The following CLCNKA variants were observed in gnomAD, a reference collection of about 807,000 sequenced individuals.
CLCNKA encodes chloride voltage-gated channel Ka, also known as chloride channel protein ClC-Ka.
Under a neutral mutation model 83.3 loss-of-function variants are expected in CLCNKA, and 66 were observed. The ratio of observed to expected loss-of-function variants is 0.79; its 90% CI spans 0.65 to 0.97. CLCNKA has a LOEUF of 0.97. Among genes scored for constraint, CLCNKA ranks in the 50% least tolerant of loss-of-function variants. The pLI is 0.00. For synonymous variants in CLCNKA, 357 were observed against 370.4 expected (o/e 0.96, Z 0.42); for missense variants, 806 against 888.7 (o/e 0.91, Z 1.18).
chr1:16,028,152 A>C, intron 10 of CLCNKA, 33 bp downstream of exon 10: 4 of 1,588,544 alleles, frequency 2.5e-6, no homozygotes, highest in Non-Finnish European at 3.5e-6. Flanking sequence ...GGGACATCTC[A>C]GTGAGTCCCT....
At chr1:16,023,959 G>A in intron 3 of CLCNKA, 31 bp downstream of exon 3, 1 of 1,613,196 alleles carries the variant, frequency 6.2e-7, no homozygotes. Context: ...GCTGCTCTGG[G>A]CCAAGGGATT....
Position 16,028,157 on chromosome 1 carries a change from GT to G in CLCNKA, c.968+39del, listed in dbSNP as rs574603424. ...CTAGGGGCTGGGGACATCTCAGTGA[GT>G]CCCTTGTGGACTCCAGACCTTATGT... On this transcript the variant is annotated intron_variant, in intron 10 of 19. Transcript: ENST00000331433. The G allele has an allele frequency of 2.2e-4, 351 of 1,583,260 alleles. 4 individuals carry two copies. In the South Asian group the frequency reaches 3.5e-3, roughly 16 times the overall value.
rs763703778 is a variant in CLCNKA at position 16,022,663 on chromosome 1, C to A, written c.44C>A (p.Pro15His). Residue 15 changes from proline to histidine, a missense_variant, in exon 2 of 20, where the codon CCT (proline) becomes CAT (histidine). Physicochemically the swap from Pro to His is moderately conservative, Grantham distance 77. Coordinates refer to ENST00000331433, the MANE Select transcript of CLCNKA (RefSeq NM_004070.4). ...CTGCGTGAGGGCTTCTCAGGGGACC[C>A]TGTGACTCTGCAGGAGCTGTGGGGC... ...VGLREGFSGD[P>H]VTLQELWGPC... The A allele has an allele frequency of 1.9e-6, 3 of 1,567,570 alleles. No homozygotes were observed. Among genetic ancestry groups the A allele is most frequent in the Non-Finnish European group, 1.7e-6 (2 of 1,156,104 alleles).
In CLCNKA at chr1:16,028,048, C is replaced by T. The variant is rs536038955; in HGVS notation, c.897C>T (p.Tyr299=). The T allele has an allele frequency of 6.2e-7, 1 of 1,613,452 alleles. No homozygotes were observed. Among genetic ancestry groups the T allele is most frequent in the Non-Finnish European group, 8.5e-7 (1 of 1,179,600 alleles). The part of the protein sequence containing the change: ...GGICGVLSCA[Y]LFCQRTFLSF... ...TCTGCGGCGTCCTGAGCTGTGCTTA[C>T]CTCTTCTGTCAGCGAACCTTCCTCA... Residue 299 remains tyrosine (Y), a synonymous_variant, in exon 10 of 20, where the codon TAC becomes TAT. Coordinates refer to ENST00000331433, the MANE Select transcript of CLCNKA (RefSeq NM_004070.4).
intron 10 of CLCNKA, 117 bp from the exon 11 acceptor site, chr1:16,028,644 C>T (rs764407706): frequency 8.5e-6 from 11 of 1,290,612 alleles, no homozygotes; most frequent in Non-Finnish European, 1.2e-5. Flanking sequence ...CCAGTCCTTG[C>T]CTCGGTATCA....
In CLCNKA at chr1:16,027,439, A is replaced by C. The variant is rs1021724603; in HGVS notation, c.781+4A>C. The C allele has an allele frequency of 6.8e-6, 11 of 1,613,568 alleles. No individual in the cohort carries two copies. In the African/African-American group the frequency reaches 1.5e-4, roughly 22 times the overall value. ...GCAGTCTTCAACAGCGAGCAGGGTGAGCCCCCTGGGCTGCCTGACCCTGGC... is the reference window on the plus strand; with the variant it reads ...GCAGTCTTCAACAGCGAGCAGGGTGCGCCCCCTGGGCTGCCTGACCCTGGC... On this transcript the variant is annotated splice_donor_region_variant and intron_variant, in intron 8 of 19. Transcript: ENST00000331433.
intron 8 of CLCNKA, 60 bp from the exon 9 acceptor site, chr1:16,027,761 G>A: frequency 6.8e-7 from 1 of 1,464,360 alleles, no homozygotes; most frequent in South Asian, 1.2e-5. Context: ...GTTAGTCTGG[G>A]ACTTGAGTTT....
At position 16,032,543 on chromosome 1, in the gene CLCNKA, A is replaced by G; in HGVS notation, c.1929+17A>G. On this transcript the variant is annotated intron_variant, in intron 18 of 19. Transcript: ENST00000331433. ...TTGCACCAGGTAACAAGTATTGGGG[A>G]GTGTGACACACGCAGCCCCCGGGGC... 1 of 1,598,540 alleles carries G rather than the reference A, an allele frequency of 6.3e-7. No homozygotes were observed. The highest frequency in any genetic ancestry group is 8.6e-7 in the Non-Finnish European group (1 of 1,166,670).
At position 16,028,620 on chromosome 1, in the gene CLCNKA, G is replaced by A. The variant is rs538591102; in HGVS notation, c.969-141G>A. The A allele has an allele frequency of 3.7e-5, 39 of 1,052,394 alleles. No individual in the cohort carries two copies. In the East Asian group the frequency reaches 8.0e-4, roughly 22 times the overall value. The allele number at this position is 1,052,394 out of a possible 1,614,324, so 65.2% of individuals were successfully genotyped here. A position where few individuals can be genotyped will look rare whatever the true frequency, so the allele number is the denominator to read the frequency against. ...GGAGGGGGCCATGTTCCCTGCTCCCGCCCTTCCTCCTCACCAGTCCTTGCC... is the reference window on the plus strand; with the variant it reads ...GGAGGGGGCCATGTTCCCTGCTCCCACCCTTCCTCCTCACCAGTCCTTGCC... On this transcript the variant is annotated intron_variant, in intron 10 of 19. Coordinates refer to ENST00000331433, the MANE Select transcript of CLCNKA (RefSeq NM_004070.4).
chr1:16,032,784 C>T (rs1187133579), intron 18 of CLCNKA, among the ~76,000 whole-genome samples: 5 of 152,222 alleles, frequency 3.3e-5, no homozygotes. Context: ...GGAGTTGCAC[C>T]AAGGCACACG....
chr1:16,033,072 C>T (rs1317680665), intron 18 of CLCNKA, 98 bp from the exon 19 acceptor site: 2 of 1,294,332 alleles, frequency 1.5e-6, no homozygotes, highest in Non-Finnish European at 1.1e-6. Flanking sequence ...CATATCAGGC[C>T]CCGCCCCTCT....
intron 5 of CLCNKA, 109 bp downstream of exon 5, chr1:16,026,356 G>A: frequency 1.3e-6 from 2 of 1,505,194 alleles, no homozygotes; most frequent in South Asian, 1.2e-5. Flanking sequence ...GCCAGTGCCT[G>A]CCTTCAGGGA....
At chr1:16,030,710 T>C (rs2022589278) in intron 15 of CLCNKA, 36 bp downstream of exon 15, 1 of 1,611,702 alleles carries the variant, frequency 6.2e-7, no homozygotes, top group East Asian at 2.2e-5. Flanking sequence ...CTGAAGGGGG[T>C]CACAGTGTTT....
chr1:16,027,593 C>T (rs940301900), intron 8 of CLCNKA, among the ~76,000 whole-genome samples, 158 bp downstream of exon 8: 6 of 151,704 alleles, frequency 4.0e-5, no homozygotes, highest in African/African-American at 1.2e-4. Context: ...ATGGAAGGGG[C>T]TGACCTGTGT....
intron 4 of CLCNKA, 30 bp from the exon 5 acceptor site, chr1:16,026,078 C>T (rs112974793): frequency 0.027 from 43,141 of 1,611,858 alleles, 759 homozygotes; most frequent in Middle Eastern, 0.034. Flanking sequence ...AGAGATTGTC[C>T]CCTGCTTGTT....
chr1:16,028,996 G>T, intron 11 of CLCNKA, 130 bp from the exon 12 acceptor site: 1 of 1,516,082 alleles, frequency 6.6e-7, no homozygotes, highest in East Asian at 2.3e-5. Flanking sequence ...GGAGGTCAGA[G>T]CCCTGCCCAA....
intron 3 of CLCNKA, among the ~76,000 whole-genome samples, chr1:16,024,174 C>A (rs2022253359): frequency 2.0e-5 from 3 of 152,266 alleles, no homozygotes; most frequent in African/African-American, 7.2e-5. Context: ...TCTGAGCTCT[C>A]TGGCTCCTCT....
chr1:16,032,115 G>A lies in CLCNKA; in HGVS notation c.1757-88G>A, dbSNP rs2022647733. The stretch of plus-strand genomic sequence containing the variant: ...GGGCAGCTGCTGGGGTAGGAGCATG[G>A]GGACACCACCAAGGTCTTCCGGAAG... On this transcript the variant is annotated intron_variant, in intron 16 of 19. Coordinates refer to ENST00000331433, the MANE Select transcript of CLCNKA (RefSeq NM_004070.4). 7.5e-6 allele frequency: 10 copies of A among 1,338,148 alleles called. No homozygotes were observed. In the East Asian group the frequency reaches 2.3e-4, roughly 31 times the overall value. The allele number at this position is 1,338,148 out of a possible 1,614,324, so 82.9% of individuals were successfully genotyped here.
rs373768486 is a variant in CLCNKA, at chr1:16,030,455, C to T, written c.1409-6C>T. On this transcript the variant is annotated splice_polypyrimidine_tract_variant and splice_region_variant and intron_variant, in intron 14 of 19. Coordinates refer to ENST00000331433, the MANE Select transcript of CLCNKA (RefSeq NM_004070.4). ...TGAGCCGACCTGTGTGGCTCTGCCC[C>T]GGCAGGGGCTGCAGCCTTCTCAGGG... 220 of 1,612,408 alleles carry T rather than the reference C, an allele frequency of 1.4e-4. 2 individuals carry two copies. The African/African-American group carries it at 2.2e-3, about 16-fold the overall frequency.
Sources: allele counts gnomAD v4.1 joint callset (sites outside exome capture counted in the v4.1 genomes callset), GRCh38; gene constraint gnomAD v4.1.1; transcripts MANE v1.5; gene names NCBI Gene and HGNC (gene_info 2026-07-23, HGNC 2026-07-21).